The following ZNF503 variants were observed in gnomAD, a reference collection of about 807,000 sequenced individuals.
ZNF503 encodes the protein NocA-like zinc finger 2.
In ZNF503, 15 loss-of-function variants were observed where a neutral mutation model predicts 34.4. The ratio of observed to expected loss-of-function variants is 0.44; its 90% CI spans 0.29 to 0.67. The LOEUF is 0.67. ZNF503 is among the 30% of genes least tolerant of loss of function. ZNF503 has a pLI of 0.13. For synonymous variants in ZNF503, 580 were observed against 456.8 expected, an observed-to-expected ratio of 1.27 and a Z score of -3.44; for missense variants, 1,007 against 926.8, an observed-to-expected ratio of 1.09 and a Z score of -1.12.
At chr10:75,395,528 G>A (rs1044610291), downstream of ZNF503, among the ~76,000 whole-genome samples, 1 of 152,094 alleles carries the variant, frequency 6.6e-6, no homozygotes, top group African/African-American at 2.4e-5. This position sits in a 1 kb window ranked among gnomAD's most constrained non-coding sequence, Gnocchi z 4.4. Flanking sequence ...GGCTCCAGCC[G>A]CCAGCCGGCG....
chr10:75,311,225 C>G, the ZNF503 span, among the ~76,000 whole-genome samples: 1 of 152,166 alleles, frequency 6.6e-6, no homozygotes, highest in Non-Finnish European at 1.5e-5. Flanking sequence ...GAAGACTAAA[C>G]CAGTCTACTT....
the ZNF503 span, among the ~76,000 whole-genome samples, chr10:75,381,118 C>G: frequency 6.6e-6 from 1 of 152,238 alleles, no homozygotes; most frequent in Non-Finnish European, 1.5e-5. Flanking sequence ...TATCTAGCCT[C>G]TCTTGTAGCT....
chr10:75,333,906 CGGG>C, the ZNF503 span, among the ~76,000 whole-genome samples: 1 of 47,462 alleles, frequency 2.1e-5, no homozygotes, highest in Non-Finnish European at 4.0e-5. Context: ...GATGGGGCGG[CGGG>C]GCAGAGGCGC....
In ZNF503 at chr10:75,399,726, C is replaced by G; in HGVS notation, c.964G>C (p.Gly322Arg). ...GAGGAGGAGGTGGGCGCGCTGGGGC[C>G]GGAGCCGGAGCTGGAGCCCGATGAA... The part of the protein sequence containing the change: ...GGSSGSSSGS[G>R]PSAPTSSSVL... The change falls in exon 2 of 2, where the codon GGC (glycine) becomes CGC (arginine). Residue 322 changes from glycine (G) to arginine (R), a missense_variant. Transcript: ENST00000372524. 1 of 1,595,568 alleles carries G rather than the reference C, an allele frequency of 6.3e-7. No individual in the cohort carries two copies. The highest frequency in any genetic ancestry group is 2.2e-5 in the East Asian group (1 of 44,610).
At chr10:75,333,505 G>T in the ZNF503 span, among the ~76,000 whole-genome samples, 1 of 53,196 alleles carries the variant, frequency 1.9e-5, no homozygotes, top group African/African-American at 8.5e-5. Flanking sequence ...GCCGGGCTGA[G>T]GGGCTCCTCA....
the ZNF503 span, among the ~76,000 whole-genome samples, chr10:75,281,836 C>T: frequency 6.6e-6 from 1 of 152,198 alleles, no homozygotes; most frequent in South Asian, 2.1e-4. Flanking sequence ...TCTCCCCCTC[C>T]CCCTTAGGGG....
At chr10:75,293,259 G>A in the ZNF503 span, among the ~76,000 whole-genome samples, 2 of 152,182 alleles carry the variant, frequency 1.3e-5, no homozygotes, top group East Asian at 1.9e-4. Context: ...GTAGCTTCAA[G>A]TCTAGCTGAG....
chr10:75,350,845 C>T, the ZNF503 span, among the ~76,000 whole-genome samples: 2 of 152,142 alleles, frequency 1.3e-5, no homozygotes, highest in South Asian at 4.1e-4. Context: ...TGAGCCACCG[C>T]GTCCAGCCTG....
intron 1 of ZNF503, among the ~76,000 whole-genome samples, chr10:75,400,739 C>A (rs1328139181): frequency 6.6e-6 from 1 of 152,202 alleles, no homozygotes; most frequent in Non-Finnish European, 1.5e-5. Context: ...GCTCGGGCGG[C>A]TGGCGCCTCA....
Position 75,401,191 on chromosome 10 carries a change from G to C in ZNF503, c.229C>G (p.Leu77Val). The change falls in exon 1 of 2, where the codon CTG becomes GTG. Residue 77 changes from leucine to valine, a missense_variant. Transcript: ENST00000372524. ...RQANRLPIKVLKMLTARTGHI... is the reference protein window; with the variant it reads ...RQANRLPIKVVKMLTARTGHI... ...CCAGTTCGTGCCGTCAGCATCTTCA[G>C]CACCTTGATTGGCAGGCGGTTGGCC... The C allele has an allele frequency of 1.2e-6, 2 of 1,609,962 alleles. No homozygotes were observed. Among genetic ancestry groups the C allele is most frequent in the Non-Finnish European group, 1.7e-6 (2 of 1,177,670 alleles).
the ZNF503 span, among the ~76,000 whole-genome samples, chr10:75,342,388 C>G: frequency 2.0e-4 from 31 of 152,124 alleles, no homozygotes; most frequent in South Asian, 1.3e-3. Context: ...ACTACCACCC[C>G]GTATGGGAGC....
chr10:75,300,515 T>A, the ZNF503 span, among the ~76,000 whole-genome samples: 1 of 152,102 alleles, frequency 6.6e-6, no homozygotes, highest in African/African-American at 2.4e-5. Flanking sequence ...ATCCATGAAA[T>A]CTTCACAGTT....
the ZNF503 span, among the ~76,000 whole-genome samples, chr10:75,371,699 A>G: frequency 6.6e-6 from 1 of 152,166 alleles, no homozygotes; most frequent in Admixed American, 6.5e-5. Context: ...GGTGAAGTCC[A>G]TTGTATTAAG....
chr10:75,353,944 C>A, the ZNF503 span, among the ~76,000 whole-genome samples: 1 of 152,154 alleles, frequency 6.6e-6, no homozygotes, highest in African/African-American at 2.4e-5. Flanking sequence ...CTTGGGAAAT[C>A]GGCAAGGAGG....
chr10:75,295,924 C>T, the ZNF503 span, among the ~76,000 whole-genome samples: 2 of 152,128 alleles, frequency 1.3e-5, no homozygotes, highest in South Asian at 4.1e-4. The surrounding 1 kb of genome is among the most constrained non-coding windows in gnomAD (Gnocchi z 4.0). Context: ...AACCCCCCTC[C>T]AAACTTGTGT....
At chr10:75,374,334 C>T in the ZNF503 span, among the ~76,000 whole-genome samples, 2 of 152,098 alleles carry the variant, frequency 1.3e-5, no homozygotes, top group Non-Finnish European at 2.9e-5. Context: ...AAACAAAAAA[C>T]AAAGTAAGTC....
At chr10:75,311,047 G>T in the ZNF503 span, among the ~76,000 whole-genome samples, 1 of 152,126 alleles carries the variant, frequency 6.6e-6, no homozygotes, top group African/African-American at 2.4e-5. Context: ...ATATATAAAG[G>T]GGAGTTTATT....
the ZNF503 span, among the ~76,000 whole-genome samples, chr10:75,327,405 C>T: frequency 3.9e-5 from 6 of 152,226 alleles, no homozygotes; most frequent in African/African-American, 7.2e-5. Flanking sequence ...CCTCCAGGCA[C>T]ATCCGTGTTG....
the ZNF503 span, among the ~76,000 whole-genome samples, chr10:75,368,923 G>A: frequency 6.6e-6 from 1 of 152,210 alleles, no homozygotes; most frequent in Non-Finnish European, 1.5e-5. Context: ...ATAGTTTAAG[G>A]TTATAGTTTC....
Sources: allele counts gnomAD v4.1 joint callset (sites outside exome capture counted in the v4.1 genomes callset), GRCh38; gene constraint gnomAD v4.1.1; non-coding constraint Gnocchi (gnomAD v3.1); transcripts MANE v1.5; gene names NCBI Gene and HGNC (gene_info 2026-07-23, HGNC 2026-07-21).